WWTR1: variants seen among roughly 807,000 people sequenced by gnomAD.
WWTR1 encodes WW domain containing transcription regulator 1.
A neutral mutation model predicts 40.1 loss-of-function variants in WWTR1; 13 were observed. The observed-to-expected ratio is 0.32, with a 90% CI of 0.21 to 0.52. The LOEUF (loss-of-function observed/expected upper bound fraction) is 0.52. Ranked by LOEUF, WWTR1 falls within the 20% of genes least tolerant of loss-of-function variation. The probability of loss-of-function intolerance (pLI) is 0.97; values close to 1 mark genes in which losing one functional copy is unlikely to be tolerated. For missense variants in WWTR1, 436 were observed against 523.1 expected (o/e 0.83, Z 1.63); for synonymous variants, 230 against 210.1 (o/e 1.09, Z -0.82).
At chr3:149,686,957 T>C (rs935187950) in intron 1 of WWTR1, among the ~76,000 whole-genome samples, 2 of 152,178 alleles carry the variant, frequency 1.3e-5, no homozygotes, top group South Asian at 4.1e-4. Context: ...ATATACTCTG[T>C]CGTCCAACTA....
intron 2 of WWTR1, 36 bp from the exon 3 acceptor site, chr3:149,573,036 T>C: frequency 6.4e-7 from 1 of 1,559,958 alleles, no homozygotes; most frequent in Non-Finnish European, 8.7e-7. Flanking sequence ...TCTTTTTAAT[T>C]GTCAGCATCA....
At chr3:149,642,513 C>T (rs1471249332) in intron 2 of WWTR1, among the ~76,000 whole-genome samples, 3 of 152,130 alleles carry the variant, frequency 2.0e-5, no homozygotes, top group Middle Eastern at 3.4e-3. Context: ...CGGTGGCTCA[C>T]GCCTGTAATC....
chr3:149,517,734 T>C lies in WWTR1; in HGVS notation c.*3071A>G, dbSNP rs1344125532. 1 of 152,308 alleles carries C rather than the reference T, an allele frequency of 6.6e-6. No individual in the cohort carries two copies. Among genetic ancestry groups the C allele is most frequent in the East Asian group, 1.9e-4 (1 of 5,188 alleles). The allele number at this position is 152,308 out of a possible 1,614,324, so 9.4% of individuals were successfully genotyped here. On this transcript the variant is annotated 3_prime_UTR_variant, in exon 7 of 7. Transcript: ENST00000360632. ...AAATGGCATTTCACATCCTAAATAA[T>C]ACGGTGAAACACTGTCTAAAAATTA...
At chr3:149,567,753 TACTATCATTATC>T (rs910856029) in intron 3 of WWTR1, among the ~76,000 whole-genome samples, 2 of 152,176 alleles carry the variant, frequency 1.3e-5, no homozygotes, top group Admixed American at 1.3e-4. Flanking sequence ...ATCAGATAGG[TACTATCATTATC>T]ACCATTTTAC....
At chr3:149,557,315 G>A (rs1423583888) in intron 3 of WWTR1, among the ~76,000 whole-genome samples, 1 of 152,028 alleles carries the variant, frequency 6.6e-6, no homozygotes, top group East Asian at 1.9e-4. Flanking sequence ...CAGCTGATCC[G>A]CCCGCCTGGG....
intron 4 of WWTR1, among the ~76,000 whole-genome samples, chr3:149,539,274 C>T (rs1226726266): frequency 1.3e-5 from 2 of 152,164 alleles, no homozygotes; most frequent in East Asian, 1.9e-4. Context: ...CTTTCAGATT[C>T]GTCGTATCAT....
At chr3:149,673,189 A>G (rs1714152043) in intron 1 of WWTR1, among the ~76,000 whole-genome samples, 1 of 152,168 alleles carries the variant, frequency 6.6e-6, no homozygotes, top group Non-Finnish European at 1.5e-5. Flanking sequence ...CAGTCTGGGC[A>G]ATATAGTGAG....
intron 2 of WWTR1, among the ~76,000 whole-genome samples, chr3:149,625,889 C>T (rs1170364147): frequency 6.6e-6 from 1 of 152,126 alleles, no homozygotes; most frequent in African/African-American, 2.4e-5. Flanking sequence ...CTGACTCAAA[C>T]CAAATGCCAC....
chr3:149,664,667 C>CA (rs992732623), intron 2 of WWTR1, among the ~76,000 whole-genome samples: 12 of 151,850 alleles, frequency 7.9e-5, no homozygotes, highest in African/African-American at 2.9e-4. Flanking sequence ...CGGCTCACCG[C>CA]AACCTCCACC....
At chr3:149,572,801 G>A in intron 3 of WWTR1, 63 bp downstream of exon 3, 1 of 1,569,808 alleles carries the variant, frequency 6.4e-7, no homozygotes, top group Non-Finnish European at 8.6e-7. Flanking sequence ...GGGCAACAAA[G>A]GGAGACCCCA....
chr3:149,719,735 G>A (rs1285460176), intron 4 of WWTR1, among the ~76,000 whole-genome samples: 1 of 152,020 alleles, frequency 6.6e-6, no homozygotes, highest in Non-Finnish European at 1.5e-5. Context: ...CCCCAAACAG[G>A]CACAAAGATT....
At chr3:149,535,378 G>A (rs1735779969) in intron 4 of WWTR1, among the ~76,000 whole-genome samples, 1 of 151,660 alleles carries the variant, frequency 6.6e-6, no homozygotes, top group Non-Finnish European at 1.5e-5. Flanking sequence ...GACGGCGGGG[G>A]GAACAAAAAA....
At chr3:149,614,962 G>T (rs1035701542) in intron 2 of WWTR1, among the ~76,000 whole-genome samples, 3 of 151,766 alleles carry the variant, frequency 2.0e-5, no homozygotes, top group East Asian at 3.9e-4. Flanking sequence ...CAGCCTGGGA[G>T]ACAAGAGCAA....
chr3:149,648,253 T>G (rs1459542856), intron 2 of WWTR1, among the ~76,000 whole-genome samples: 1 of 152,156 alleles, frequency 6.6e-6, no homozygotes, highest in African/African-American at 2.4e-5. Flanking sequence ...CATGGAAGAC[T>G]CCTACGAATT....
upstream of WWTR1, among the ~76,000 whole-genome samples, chr3:149,707,759 A>G (rs1355198226): frequency 2.0e-5 from 3 of 151,946 alleles, no homozygotes; most frequent in African/African-American, 2.4e-5. Context: ...CTGACTGCCA[A>G]TTGAATATGT....
chr3:149,624,357 G>A (rs1435402545), intron 2 of WWTR1, among the ~76,000 whole-genome samples: 2 of 152,230 alleles, frequency 1.3e-5, no homozygotes, highest in African/African-American at 4.8e-5. Context: ...TGATACTAAT[G>A]AAGTCCCTGG....
chr3:149,563,159 G>A lies in WWTR1; in HGVS notation c.568+9705C>T, dbSNP rs182767839. ...AACTCTCAACAGAGGTCTACAGCTC[G>A]GTGAAGAAATTAGACTCCATTACAA... is the stretch of plus-strand genomic sequence containing the variant. On this transcript the variant is annotated intron_variant, in intron 3 of 6. Coordinates refer to ENST00000360632, the MANE Select transcript of WWTR1 (RefSeq NM_015472.6). 1.1e-4 allele frequency among the ~76,000 whole-genome samples: 16 copies of A among 152,112 alleles called. No individual in the cohort carries two copies. In the South Asian group the frequency reaches 1.2e-3, roughly 12 times the overall value.
At chr3:149,685,558 G>C (rs1714617999) in intron 1 of WWTR1, among the ~76,000 whole-genome samples, 2 of 152,242 alleles carry the variant, frequency 1.3e-5, no homozygotes, top group Non-Finnish European at 2.9e-5. Flanking sequence ...CCTTCTTCAG[G>C]CTCTTCTCCT....
At chr3:149,611,156 T>A (rs1285077225) in intron 2 of WWTR1, among the ~76,000 whole-genome samples, 1 of 151,862 alleles carries the variant, frequency 6.6e-6, no homozygotes, top group African/African-American at 2.4e-5. Flanking sequence ...TCTTTAAAAA[T>A]AAGAATAATA....
Sources: allele counts gnomAD v4.1 joint callset (sites outside exome capture counted in the v4.1 genomes callset), GRCh38; gene constraint gnomAD v4.1.1; transcripts MANE v1.5; gene names NCBI Gene and HGNC (gene_info 2026-07-23, HGNC 2026-07-21).